The following FCHSD2 variants were observed in gnomAD, a reference collection of about 807,000 sequenced individuals.
FCHSD2 encodes the protein F-BAR and double SH3 domains protein 2.
In FCHSD2, 38 loss-of-function variants were observed where a neutral mutation model predicts 108.1. The ratio of observed to expected loss-of-function variants is 0.35; its 90% CI spans 0.27 to 0.46. The LOEUF (loss-of-function observed/expected upper bound fraction) is 0.46, where lower values mean the gene tolerates loss of function less well. Ranked by LOEUF, FCHSD2 falls within the 20% of genes least tolerant of loss-of-function variation. The pLI, the probability that FCHSD2 is intolerant of heterozygous loss-of-function variation, is 1.00. For missense variants in FCHSD2, 751 were observed against 897.8 expected (o/e 0.84, Z 2.09); for synonymous variants, 279 against 314.7 (o/e 0.89, Z 1.20).
In FCHSD2 at chr11:72,944,573, TAA is replaced by T. The variant is rs1444522736; in HGVS notation, c.706-22625_706-22624del. ...AGGGCAATCAGGCAGGAGAAGGAAA[TAA>T]AGAGTATTTAATTAGGAAAAGAGGA... On this transcript the variant is annotated intron_variant, in intron 8 of 19. Coordinates refer to ENST00000409418, the MANE Select transcript of FCHSD2 (RefSeq NM_014824.3). Among the ~76,000 whole-genome samples the T allele has an allele frequency of 7.9e-5, 12 of 152,186 alleles. 2 individuals are homozygous for T. Among genetic ancestry groups the T allele is most frequent in the African/African-American group, 2.9e-4 (12 of 41,514 alleles).
chr11:73,096,204 G>A (rs1860070621), intron 2 of FCHSD2, among the ~76,000 whole-genome samples: 1 of 151,876 alleles, frequency 6.6e-6, no homozygotes, highest in Non-Finnish European at 1.5e-5. Context: ...GAGATAATAT[G>A]TAACCAAATA....
chr11:72,900,390 A>G lies in FCHSD2; in HGVS notation c.924+2153T>C. ...GCATAGAGTTAGAAATTTAAGGCAA[A>G]CAAGGACACAACACCTAAGAACATT... On this transcript the variant is annotated intron_variant, in intron 10 of 19. Transcript: ENST00000409418. 1.0e-5 allele frequency: 11 copies of G among 1,090,088 alleles called. No individual in the cohort carries two copies. The South Asian group carries it at 1.5e-4, about 15-fold the overall frequency. 67.5% of individuals were successfully genotyped at this position (1,090,088 alleles called of 1,614,324 possible).
chr11:72,917,660 C>T (rs777419433), intron 9 of FCHSD2, among the ~76,000 whole-genome samples: 10 of 152,218 alleles, frequency 6.6e-5, no homozygotes, highest in Admixed American at 3.3e-4. Context: ...CCAAGGCAGG[C>T]GGATCACTTG....
intron 3 of FCHSD2, among the ~76,000 whole-genome samples, chr11:73,061,857 G>C (rs1859171801): frequency 6.6e-6 from 1 of 152,186 alleles, no homozygotes; most frequent in Non-Finnish European, 1.5e-5. Flanking sequence ...AGAGCACTTG[G>C]GGAAAGGGGC....
chr11:73,108,661 C>T (rs1173997471), intron 2 of FCHSD2, among the ~76,000 whole-genome samples: 5 of 152,168 alleles, frequency 3.3e-5, no homozygotes, highest in Admixed American at 2.6e-4. Context: ...CTCCGCTTCC[C>T]GGGTTCACGC....
At chr11:72,959,175 G>C (rs932469347) in intron 8 of FCHSD2, among the ~76,000 whole-genome samples, 2 of 144,648 alleles carry the variant, frequency 1.4e-5, no homozygotes, top group East Asian at 4.1e-4. Context: ...TTTCAATCCT[G>C]GTTTCCCTGT....
At chr11:72,867,280 AC>A (rs1854749171) in intron 13 of FCHSD2, among the ~76,000 whole-genome samples, 1 of 152,176 alleles carries the variant, frequency 6.6e-6, no homozygotes, top group African/African-American at 2.4e-5. Flanking sequence ...AACATGAAAA[AC>A]TAAGGTTGAA....
chr11:73,103,976 T>C (rs1860281781), intron 2 of FCHSD2, among the ~76,000 whole-genome samples: 1 of 152,250 alleles, frequency 6.6e-6, no homozygotes, highest in Non-Finnish European at 1.5e-5. Flanking sequence ...CTAATAAATA[T>C]GCCTGGTGCA....
intron 3 of FCHSD2, among the ~76,000 whole-genome samples, chr11:73,064,147 C>T (rs1279940813): frequency 1.3e-5 from 2 of 152,148 alleles, no homozygotes; most frequent in Non-Finnish European, 2.9e-5. Context: ...CAAAACCACA[C>T]AACTACATGG....
chr11:73,081,534 AT>A lies in FCHSD2; in HGVS notation c.165+2160del, dbSNP rs1156400537. Reference sequence around the variant, plus strand: ...AAAGCATATCATAGACTTTTTTTCTATTTTTTTTTTAGACAGGGTTTCACTC... The same window carrying A: ...AAAGCATATCATAGACTTTTTTTCTATTTTTTTTTAGACAGGGTTTCACTC... On this transcript the variant is annotated intron_variant, in intron 3 of 19. Transcript: ENST00000409418. 1.3e-4 allele frequency among the ~76,000 whole-genome samples: 19 copies of A among 148,222 alleles called. No homozygotes were observed. In the South Asian group the frequency reaches 1.9e-3, roughly 15 times the overall value.
chr11:72,897,615 G>A (rs1320628522), intron 10 of FCHSD2, among the ~76,000 whole-genome samples: 2 of 152,248 alleles, frequency 1.3e-5, no homozygotes, highest in Middle Eastern at 3.4e-3. Flanking sequence ...TTTTACACAT[G>A]AGGAAGCTGA....
chr11:72,973,792 C>T (rs1480756417), intron 8 of FCHSD2, among the ~76,000 whole-genome samples: 2 of 152,228 alleles, frequency 1.3e-5, no homozygotes, highest in African/African-American at 4.8e-5. Flanking sequence ...GGCCTGTAGG[C>T]CAAATCCAGC....
In FCHSD2 at chr11:72,903,966, T is replaced by C. The variant is rs75629822; in HGVS notation, c.829-1328A>G. 5.6e-3 allele frequency among the ~76,000 whole-genome samples: 857 copies of C among 152,310 alleles called. 4 individuals carry two copies. Among genetic ancestry groups the C allele is most frequent in the South Asian group, 0.015 (73 of 4,830 alleles). On this transcript the variant is annotated intron_variant, in intron 9 of 19. Transcript: ENST00000409418. ...GAAACACAGGGATAAGGGGGATATATAGATGAATAAGACAAACAAACAAGG... is the reference window on the plus strand; with the variant it reads ...GAAACACAGGGATAAGGGGGATATACAGATGAATAAGACAAACAAACAAGG...
chr11:73,133,465 C>T (rs1861050017), intron 2 of FCHSD2, among the ~76,000 whole-genome samples: 1 of 152,114 alleles, frequency 6.6e-6, no homozygotes, highest in Admixed American at 6.5e-5. Context: ...ATACTACAAC[C>T]TGATGAATCT....
intron 14 of FCHSD2, among the ~76,000 whole-genome samples, chr11:72,844,903 T>G (rs769755751): frequency 6.6e-6 from 1 of 152,118 alleles, no homozygotes; most frequent in South Asian, 2.1e-4. Flanking sequence ...AAAATAATAT[T>G]GAGGAAAAAA....
At chr11:73,057,783 G>A (rs540092774) in intron 3 of FCHSD2, among the ~76,000 whole-genome samples, 14 of 151,948 alleles carry the variant, frequency 9.2e-5, no homozygotes, top group South Asian at 2.1e-4. Flanking sequence ...AATGTATTGC[G>A]CCCCACAGCT....
chr11:72,877,493 G>A (rs1854994095), intron 12 of FCHSD2, among the ~76,000 whole-genome samples: 1 of 151,954 alleles, frequency 6.6e-6, no homozygotes. Flanking sequence ...AATAATTTTT[G>A]TTTTAATATT....
chr11:73,017,311 TCC>T (rs1179236293), intron 3 of FCHSD2, among the ~76,000 whole-genome samples: 1 of 152,152 alleles, frequency 6.6e-6, no homozygotes, highest in Non-Finnish European at 1.5e-5. Flanking sequence ...ATATATGTGG[TCC>T]CCTAACACTA....
chr11:72,950,801 G>A (rs1856607293), intron 8 of FCHSD2, among the ~76,000 whole-genome samples: 1 of 152,138 alleles, frequency 6.6e-6, no homozygotes, highest in South Asian at 2.1e-4. Flanking sequence ...TAGTTGCGGT[G>A]GAAACTATTT....
Sources: gnomAD v4.1 joint callset for allele counts (sites outside exome capture counted in the v4.1 genomes callset) on GRCh38, gnomAD v4.1.1 for gene constraint, MANE v1.5 for transcripts, NCBI Gene and HGNC (gene_info 2026-07-23, HGNC 2026-07-21) for gene names.